NEGR1: variants seen among roughly 807,000 people sequenced by gnomAD.
NEGR1 encodes the protein IgLON family member 4.
A neutral mutation model predicts 40.9 loss-of-function variants in NEGR1; 10 were observed. That is an observed-to-expected ratio of 0.24 (90% CI 0.15 to 0.42). NEGR1 has a LOEUF of 0.42. NEGR1 is among the 10% of genes least tolerant of loss of function. The pLI is 1.00. For synonymous variants in NEGR1, 185 were observed against 166.8 expected, an observed-to-expected ratio of 1.11 and a Z score of -0.84; for missense variants, 352 against 438.9, an observed-to-expected ratio of 0.80 and a Z score of 1.77.
At chr1:71,452,149 C>T (rs72674983) in intron 6 of NEGR1, among the ~76,000 whole-genome samples, 7,360 of 152,222 alleles carry the variant, frequency 0.048, 256 homozygotes, top group Non-Finnish European at 0.07. Flanking sequence ...CACACTCACA[C>T]ATATCCATTC....
rs150802768 is a variant in NEGR1 at position 71,792,711 on chromosome 1, A to G, written c.410-16414T>C. 6.6e-5 allele frequency among the ~76,000 whole-genome samples: 10 copies of G among 152,234 alleles called. No homozygotes were observed. In the East Asian group the frequency reaches 1.9e-3, roughly 29 times the overall value. The stretch of plus-strand genomic sequence containing the variant: ...AGGGAGTTGGCAATACTGTGCTAGG[A>G]TTTTAATATCAAACTGTTTCCATCA... On this transcript the variant is annotated intron_variant, in intron 2 of 6. Transcript: ENST00000357731.
rs148208828 is a variant in NEGR1, at chr1:72,122,972, A to T, written c.176+159347T>A. Among the ~76,000 whole-genome samples the T allele has an allele frequency of 5.9e-4, 90 of 152,082 alleles. 1 individual carries two copies. The East Asian group carries it at 0.016, about 28-fold the overall frequency. On this transcript the variant is annotated intron_variant, in intron 1 of 6. Coordinates refer to ENST00000357731, the MANE Select transcript of NEGR1 (RefSeq NM_173808.3). ...ATTTTGAATATGTCTAAATAATGGG[A>T]TATATTGAGAACATGTAACATTCCT...
chr1:71,695,129 A>C (rs77174047), intron 4 of NEGR1, among the ~76,000 whole-genome samples: 322 of 151,960 alleles, frequency 2.1e-3, no homozygotes, highest in African/African-American at 7.4e-3. Context: ...CAAAATTAAC[A>C]CTTTGCAAAC....
intron 6 of NEGR1, among the ~76,000 whole-genome samples, chr1:71,576,402 C>T (rs1557573162): frequency 6.6e-6 from 1 of 152,262 alleles, no homozygotes; most frequent in South Asian, 2.1e-4. Flanking sequence ...ACCCAGAGAT[C>T]ATCAGACAAC....
intron 2 of NEGR1, among the ~76,000 whole-genome samples, chr1:71,908,353 C>G (rs946948939): frequency 1.3e-5 from 2 of 152,060 alleles, no homozygotes; most frequent in Non-Finnish European, 2.9e-5. Flanking sequence ...AATTACAAAT[C>G]TGGATTATGG....
At chr1:72,279,411 A>G (rs1295380123) in intron 1 of NEGR1, among the ~76,000 whole-genome samples, 2 of 152,168 alleles carry the variant, frequency 1.3e-5, no homozygotes, top group Non-Finnish European at 2.9e-5. Flanking sequence ...ACTTAAAATT[A>G]TTTGATAACT....
intron 2 of NEGR1, among the ~76,000 whole-genome samples, chr1:71,899,899 G>A (rs2101862020): frequency 6.6e-6 from 1 of 152,284 alleles, no homozygotes; most frequent in South Asian, 2.1e-4. Context: ...AAATGCCCTG[G>A]CCCTGCAGCC....
chr1:72,051,142 T>C (rs1219791200), intron 1 of NEGR1, among the ~76,000 whole-genome samples: 1 of 151,536 alleles, frequency 6.6e-6, no homozygotes, highest in Admixed American at 6.6e-5. Context: ...TGGCTGATGT[T>C]TATCCATTTA....
chr1:71,854,967 C>T (rs1325157889), intron 2 of NEGR1, among the ~76,000 whole-genome samples: 1 of 152,054 alleles, frequency 6.6e-6, no homozygotes, highest in Non-Finnish European at 1.5e-5. Context: ...CACACCAAGA[C>T]TCAAGCAATT....
chr1:71,894,747 AAAGT>A (rs1180337813), intron 2 of NEGR1, among the ~76,000 whole-genome samples: 2 of 152,212 alleles, frequency 1.3e-5, no homozygotes, highest in Non-Finnish European at 2.9e-5. Flanking sequence ...ATTTTTAAAA[AAAGT>A]GAGAGAGAGC....
At chr1:72,248,549 C>T (rs189010495) in intron 1 of NEGR1, among the ~76,000 whole-genome samples, 516 of 149,000 alleles carry the variant, frequency 3.5e-3, no homozygotes, top group Middle Eastern at 7.2e-3. Flanking sequence ...TGAGCCACCA[C>T]GCCCAGCCTG....
intron 3 of NEGR1, 62 bp downstream of exon 3, chr1:71,776,110 G>A: frequency 7.7e-7 from 1 of 1,306,070 alleles, no homozygotes; most frequent in South Asian, 1.9e-5. Flanking sequence ...AACAAGTGAG[G>A]TTAGTGAGGT....
intron 1 of NEGR1, among the ~76,000 whole-genome samples, chr1:72,111,525 T>G (rs1282857362): frequency 6.6e-6 from 1 of 151,736 alleles, no homozygotes; most frequent in Non-Finnish European, 1.5e-5. Context: ...TTTTAAATTT[T>G]AATAAGTATT....
intron 2 of NEGR1, among the ~76,000 whole-genome samples, chr1:71,843,296 G>C (rs933488977): frequency 6.6e-6 from 1 of 152,108 alleles, no homozygotes; most frequent in Non-Finnish European, 1.5e-5. Context: ...AATAGACTTA[G>C]CTATGGAAAC....
chr1:72,156,971 T>TGTTGTC (rs1557554820), intron 1 of NEGR1, among the ~76,000 whole-genome samples: 1 of 148,636 alleles, frequency 6.7e-6, no homozygotes, highest in Admixed American at 6.8e-5. Flanking sequence ...TGTTGTCTGT[T>TGTTGTC]TGTGTGTTTT....
At chr1:72,010,638 C>A (rs1045122053) in intron 1 of NEGR1, among the ~76,000 whole-genome samples, 1 of 151,840 alleles carries the variant, frequency 6.6e-6, no homozygotes, top group African/African-American at 2.4e-5. Context: ...TCTCCCACCC[C>A]CTCCAGGACT....
At chr1:71,832,252 C>T (rs1416241504) in intron 2 of NEGR1, among the ~76,000 whole-genome samples, 1 of 151,898 alleles carries the variant, frequency 6.6e-6, no homozygotes, top group African/African-American at 2.4e-5. Context: ...ATACCGGTGA[C>T]AGAATCAACA....
chr1:71,993,363 T>C (rs1404341766), intron 1 of NEGR1, among the ~76,000 whole-genome samples: 2 of 152,204 alleles, frequency 1.3e-5, no homozygotes, highest in Non-Finnish European at 2.9e-5. Context: ...AACTTTTAGC[T>C]GGAGTTAGCC....
intron 1 of NEGR1, among the ~76,000 whole-genome samples, chr1:72,199,751 T>TA (rs1282270289): frequency 5.3e-5 from 8 of 151,896 alleles, no homozygotes; most frequent in Non-Finnish European, 1.0e-4. Flanking sequence ...TTTTTAAACA[T>TA]AAAATGTTCA....
Sources: gnomAD v4.1 joint callset for allele counts (sites outside exome capture counted in the v4.1 genomes callset) on GRCh38, gnomAD v4.1.1 for gene constraint, MANE v1.5 for transcripts, NCBI Gene and HGNC (gene_info 2026-07-23, HGNC 2026-07-21) for gene names.